The following CACNA1H variants were observed in gnomAD, a reference collection of about 807,000 sequenced individuals.
CACNA1H encodes the protein voltage-dependent T-type calcium channel subunit alpha-1H.
A neutral mutation model predicts 192.5 loss-of-function variants in CACNA1H; 149 were observed. The observed-to-expected ratio is 0.77, with a 90% CI of 0.68 to 0.89. CACNA1H has a LOEUF of 0.89. Ranked by LOEUF, CACNA1H falls within the 40% of genes least tolerant of loss-of-function variation. The pLI is 0.00. For synonymous variants in CACNA1H, 2,202 were observed against 1,475.2 expected (o/e 1.49, Z -11.29); for missense variants, 4,257 against 3,423.5 (o/e 1.24, Z -6.08).
At chr16:1,218,138 A>T in intron 32 of CACNA1H, 72 bp from the exon 33 acceptor site, 2 of 1,532,924 alleles carry the variant, frequency 1.3e-6, no homozygotes, top group Middle Eastern at 3.4e-4. Context: ...GGCAGGGGGA[A>T]GGGGACGGCA....
intron 2 of CACNA1H, among the ~76,000 whole-genome samples, chr16:1,155,349 C>T (rs958905910): frequency 3.0e-4 from 45 of 152,278 alleles, no homozygotes; most frequent in African/African-American, 9.9e-4. Flanking sequence ...CCCCGGGAGC[C>T]GAGGTGCAGG....
chr16:1,184,908 CTTG>C (rs888072181), intron 2 of CACNA1H, among the ~76,000 whole-genome samples: 1 of 150,376 alleles, frequency 6.6e-6, no homozygotes, highest in African/African-American at 2.5e-5. Context: ...TTTTTTTTTA[CTTG>C]TTTATGTGAC....
rs994418105 is a variant in CACNA1H, at chr16:1,202,141, G to A, written c.1691G>A (p.Arg564His). The A allele has an allele frequency of 4.2e-5, 65 of 1,548,864 alleles. No homozygotes were observed. The highest frequency in any genetic ancestry group is 1.2e-4 in the African/African-American group (9 of 73,022). ...CCCCCCTCGCCACCTTCCCCAGGCC[G>A]CGGACCCCCCGACGCAGAGTCTGTG... ...GAPPSPPSPG[R>H]GPPDAESVHS... Residue 564 changes from arginine (R) to histidine (H), a missense_variant, in exon 9 of 35, where the codon CGC (arginine) becomes CAC (histidine). Arg to His is a conservative substitution (Grantham distance 29). Transcript: ENST00000348261.
chr16:1,206,904 G>GCCCCCCCCCCC, intron 12 of CACNA1H, 97 bp from the exon 13 acceptor site: 1 of 293,806 alleles, frequency 3.4e-6, no homozygotes, highest in Non-Finnish European at 6.6e-6. Context: ...AGCCAGTCCT[G>GCCCCCCCCCCC]CCCCTCCCTC....
At chr16:1,190,215 C>G (rs1244719718) in intron 2 of CACNA1H, among the ~76,000 whole-genome samples, 2 of 152,226 alleles carry the variant, frequency 1.3e-5, no homozygotes, top group Non-Finnish European at 2.9e-5. Flanking sequence ...CAGGGCTGTT[C>G]CCGGCTACGT....
intron 2 of CACNA1H, among the ~76,000 whole-genome samples, chr16:1,158,329 C>T (rs574848350): frequency 1.3e-5 from 2 of 152,206 alleles, no homozygotes; most frequent in South Asian, 4.1e-4. Flanking sequence ...GCAGCTCATC[C>T]TTCCTGGGGC....
intron 5 of CACNA1H, among the ~76,000 whole-genome samples, chr16:1,197,617 T>C (rs1184881982): frequency 1.3e-5 from 2 of 152,196 alleles, no homozygotes; most frequent in Non-Finnish European, 2.9e-5. Flanking sequence ...TCATCTGTGA[T>C]CTTTGAGGCG....
At chr16:1,200,840 G>A (rs1311064922) in intron 8 of CACNA1H, 32 bp downstream of exon 8, 2 of 1,520,840 alleles carry the variant, frequency 1.3e-6, no homozygotes, top group African/African-American at 1.4e-5. Context: ...CGCCATGATG[G>A]GCCCTGGTGT....
chr16:1,163,668 G>A (rs1222785381), intron 2 of CACNA1H, among the ~76,000 whole-genome samples: 6 of 152,360 alleles, frequency 3.9e-5, no homozygotes, highest in African/African-American at 1.4e-4. Flanking sequence ...ATGGGAACTT[G>A]TCCCGGGCTG....
At chr16:1,213,677 C>T (rs1969723088) in intron 26 of CACNA1H, 103 bp from the exon 27 acceptor site, 10 of 868,788 alleles carry the variant, frequency 1.2e-5, no homozygotes, top group South Asian at 2.1e-5. Flanking sequence ...GGGCCCCCAA[C>T]TTCTACCCTA....
At chr16:1,216,851 C>T (rs969404873) in intron 30 of CACNA1H, 81 bp from the exon 31 acceptor site, 10 of 1,145,556 alleles carry the variant, frequency 8.7e-6, no homozygotes, top group African/African-American at 4.6e-5. Context: ...GTCTGGTGGC[C>T]GAGGCGCCGA....
intron 30 of CACNA1H, among the ~76,000 whole-genome samples, chr16:1,216,286 C>G (rs1970020928): frequency 6.6e-6 from 1 of 152,244 alleles, no homozygotes; most frequent in Non-Finnish European, 1.5e-5. Context: ...AGCGGCGTGC[C>G]TAGCTTCGTC....
chr16:1,195,185 G>A (rs374281041), intron 3 of CACNA1H, 102 bp downstream of exon 3: 3 of 944,260 alleles, frequency 3.2e-6, no homozygotes, highest in East Asian at 2.5e-5. Flanking sequence ...AAGGTGGGGC[G>A]TGGAGTGGGT....
chr16:1,199,481 C>T (rs1231889526), intron 6 of CACNA1H, among the ~76,000 whole-genome samples: 2 of 119,276 alleles, frequency 1.7e-5, no homozygotes, highest in Admixed American at 1.6e-4. Flanking sequence ...ATGGCTCCAC[C>T]CACCGTGCGG....
In CACNA1H at chr16:1,171,944, G is replaced by A. The variant is rs181969046; in HGVS notation, c.299+17908G>A. ...GTGGGGGCATGTTCACAGGCCAGGC[G>A]GGCGCCAGGACGGACGCTGGGGTCC... On this transcript the variant is annotated intron_variant, in intron 2 of 34. Coordinates refer to ENST00000348261, the MANE Select transcript of CACNA1H (RefSeq NM_021098.3). Among the ~76,000 whole-genome samples, 8 of 152,358 alleles carry A rather than the reference G, an allele frequency of 5.3e-5. No homozygotes were observed. The East Asian group carries it at 7.7e-4, about 15-fold the overall frequency.
chr16:1,209,467 G>C (rs1360715650), intron 17 of CACNA1H, 55 bp downstream of exon 17: 24 of 1,577,144 alleles, frequency 1.5e-5, no homozygotes, highest in South Asian at 4.5e-5. Flanking sequence ...TCTGGGGCAG[G>C]TTCCCTCAAG....
intron 2 of CACNA1H, among the ~76,000 whole-genome samples, chr16:1,187,099 T>C (rs547078663): frequency 6.6e-6 from 1 of 152,390 alleles, no homozygotes; most frequent in Admixed American, 6.5e-5. Flanking sequence ...CACTGCGGGC[T>C]GATAGCGCCT....
intron 2 of CACNA1H, among the ~76,000 whole-genome samples, chr16:1,156,676 G>T (rs988520861): frequency 6.6e-6 from 1 of 152,154 alleles, no homozygotes; most frequent in African/African-American, 2.4e-5. Context: ...GGGATAATCG[G>T]ATTTGCTCAG....
intron 11 of CACNA1H, 138 bp downstream of exon 11, chr16:1,205,403 T>A (rs1410816369): frequency 2.0e-6 from 2 of 980,838 alleles, no homozygotes; most frequent in East Asian, 5.1e-5. Flanking sequence ...GGGAAGCAGG[T>A]GCTTGGTGAC....
Sources: allele counts gnomAD v4.1 joint callset (sites outside exome capture counted in the v4.1 genomes callset), GRCh38; gene constraint gnomAD v4.1.1; transcripts MANE v1.5; gene names NCBI Gene and HGNC (gene_info 2026-07-23, HGNC 2026-07-21).